ACACA: variants seen among roughly 807,000 people sequenced by gnomAD.
ACACA encodes acetyl-CoA carboxylase alpha.
In ACACA, 103 loss-of-function variants were observed where a neutral mutation model predicts 296.1. That is an observed-to-expected ratio of 0.35 (90% confidence interval 0.30 to 0.41). The LOEUF (loss-of-function observed/expected upper bound fraction) is 0.41. Among genes scored for constraint, ACACA ranks in the 10% least tolerant of loss-of-function variants. The pLI is 1.00. For missense variants in ACACA, 1,554 were observed against 2,989.7 expected (o/e 0.52, Z 11.20); for synonymous variants, 953 against 1,038.6 (o/e 0.92, Z 1.58).
chr17:37,354,722 C>T (rs1417945815), intron 1 of ACACA, among the ~76,000 whole-genome samples: 1 of 151,752 alleles, frequency 6.6e-6, no homozygotes, highest in Admixed American at 6.6e-5. Flanking sequence ...GCCAGGGGTT[C>T]GAGACCAGTC....
intron 1 of ACACA, among the ~76,000 whole-genome samples, chr17:37,342,458 T>TAC (rs1212506277): frequency 8.0e-4 from 79 of 98,284 alleles, no homozygotes; most frequent in African/African-American, 2.1e-3. Context: ...TATATATATA[T>TAC]ACACACACAC....
chr17:37,329,770 T>C (rs2047785500), intron 3 of ACACA, among the ~76,000 whole-genome samples: 1 of 151,690 alleles, frequency 6.6e-6, no homozygotes, highest in East Asian at 1.9e-4. Context: ...TGAAACTCCA[T>C]CTCTACTAAA....
chr17:37,129,457 T>G lies in ACACA; in HGVS notation c.5852A>C (p.Asn1951Thr). The change falls in exon 47 of 56, where the codon AAC becomes ACC. Residue 1951 changes from asparagine (N) to threonine (T), a missense_variant. Transcript: ENST00000616317. ...GATTCTGTCTATAGGATCCTTTGAG[T>G]TCAGAAGAGGAACTGAACTGTGCAC... ...KSVHSSVPLL[N>T]SKDPIDRIIE... The G allele has an allele frequency of 6.2e-7, 1 of 1,613,968 alleles. No individual in the cohort carries two copies. The highest frequency in any genetic ancestry group is 8.5e-7 in the Non-Finnish European group (1 of 1,179,980).
intron 10 of ACACA, among the ~76,000 whole-genome samples, chr17:37,265,061 G>C (rs987842579): frequency 6.6e-6 from 1 of 152,186 alleles, no homozygotes; most frequent in African/African-American, 2.4e-5. Flanking sequence ...CAGCAGGCTA[G>C]ACTAGGCTTC....
Position 37,406,425 on chromosome 17 carries a change from CA to C in ACACA, c.-127del. On this transcript the variant is annotated 5_prime_UTR_variant, in exon 1 of 56. An upstream open reading frame in the 5' UTR loses its in-frame stop. Transcript: ENST00000616317. ...ACGCACCCTCTTCACCCCTTAAAAT[CA>C]GTCTGGTTCATCCACGAGCAGCCCT... 1 of 1,082,670 alleles carries C rather than the reference CA, an allele frequency of 9.2e-7. No individual in the cohort carries two copies. The highest frequency in any genetic ancestry group is 1.4e-6 in the Non-Finnish European group (1 of 705,410). The allele number at this position is 1,082,670 out of a possible 1,614,324, so 67.1% of individuals were successfully genotyped here.
Position 37,141,804 on chromosome 17 carries a change from G to A in ACACA, c.5679+8060C>T, listed in dbSNP as rs148798241. On this transcript the variant is annotated intron_variant, in intron 45 of 55. Coordinates refer to ENST00000616317, the MANE Select transcript of ACACA (RefSeq NM_198834.3). Reference sequence around the variant, plus strand: ...CCTCCCAGGTTCAAGTGATTCTCCTGCCTCAGCCTCCTGAGTAGCTGGGAT... The same window carrying A: ...CCTCCCAGGTTCAAGTGATTCTCCTACCTCAGCCTCCTGAGTAGCTGGGAT... Among the ~76,000 whole-genome samples, 322 of 151,884 alleles carry A rather than the reference G, an allele frequency of 2.1e-3. 1 individual carries two copies. Among genetic ancestry groups the A allele is most frequent in the African/African-American group, 7.5e-3 (309 of 41,414 alleles).
chr17:37,343,440 C>T (rs1195901761), intron 1 of ACACA, among the ~76,000 whole-genome samples: 2 of 152,132 alleles, frequency 1.3e-5, no homozygotes, highest in African/African-American at 4.8e-5. Flanking sequence ...ACAACATGTC[C>T]TTGCCTCTCA....
chr17:37,247,858 T>C (rs2080791179), intron 18 of ACACA, 153 bp downstream of exon 18: 1 of 807,304 alleles, frequency 1.2e-6, no homozygotes, highest in Admixed American at 2.5e-5. Flanking sequence ...ACTTTAATAC[T>C]CTTGATATTT....
chr17:37,300,791 G>A (rs2083582514), intron 3 of ACACA, among the ~76,000 whole-genome samples: 1 of 152,182 alleles, frequency 6.6e-6, no homozygotes, highest in African/African-American at 2.4e-5. Context: ...AGTCCTGGTT[G>A]TTCTCTGGTC....
chr17:37,168,998 C>A (rs145956934), intron 41 of ACACA, among the ~76,000 whole-genome samples: 3 of 152,252 alleles, frequency 2.0e-5, no homozygotes, highest in East Asian at 3.9e-4. Context: ...TTATACAGAA[C>A]CTTTCATCTT....
In ACACA at chr17:37,243,477, C is replaced by T. The variant is rs750139833; in HGVS notation, c.2825G>A (p.Ser942Asn). 1 of 1,614,172 alleles carries T rather than the reference C, an allele frequency of 6.2e-7. No homozygotes were observed. Among genetic ancestry groups the T allele is most frequent in the African/African-American group, 1.3e-5 (1 of 75,052 alleles). ...ATTGGGGGGAATGCGGCCAGACACA[C>T]TGGTCATAATATCTTGCAATTCTAG... ...PLLELQDIMT[S>N]VSGRIPPNVE... The change falls in exon 22 of 56, where the codon AGT becomes AAT. Residue 942 changes from serine (S) to asparagine (N), a missense_variant. Coordinates refer to ENST00000616317, the MANE Select transcript of ACACA (RefSeq NM_198834.3).
At chr17:37,243,689 C>T (rs2080534486) in intron 21 of ACACA, 130 bp from the exon 22 acceptor site, 1 of 919,676 alleles carries the variant, frequency 1.1e-6, no homozygotes, top group Admixed American at 2.0e-5. Flanking sequence ...AAAATCTGCA[C>T]ATACTTGAGC....
intron 41 of ACACA, among the ~76,000 whole-genome samples, chr17:37,169,676 T>C (rs1441878524): frequency 6.6e-6 from 1 of 152,212 alleles, no homozygotes; most frequent in African/African-American, 2.4e-5. Context: ...TGTGACAATG[T>C]GATTAGCAAT....
intron 29 of ACACA, among the ~76,000 whole-genome samples, chr17:37,213,635 A>G (rs2078856595): frequency 6.6e-6 from 1 of 152,134 alleles, no homozygotes; most frequent in Admixed American, 6.6e-5. Flanking sequence ...TAGACTTGGC[A>G]TTTTCTTATC....
chr17:37,323,552 C>A (rs2047452370), intron 3 of ACACA, among the ~76,000 whole-genome samples: 1 of 152,144 alleles, frequency 6.6e-6, no homozygotes, highest in Admixed American at 6.5e-5. Flanking sequence ...ATGATTGCGC[C>A]ACTGAACACT....
intron 11 of ACACA, among the ~76,000 whole-genome samples, chr17:37,260,311 TTTTTTG>T (rs1567900346): frequency 1.1e-4 from 11 of 101,748 alleles, no homozygotes; most frequent in East Asian, 5.8e-4. Flanking sequence ...TTTTTTTTTT[TTTTTTG>T]GAGATGGAGT....
chr17:37,098,085 C>G, intron 52 of ACACA, 101 bp from the exon 53 acceptor site: 9 of 1,448,682 alleles, frequency 6.2e-6, no homozygotes, highest in Non-Finnish European at 8.7e-6. Context: ...AGCCTGCCCC[C>G]TCTTCCCTCT....
rs1212767307 is a variant in ACACA, at chr17:37,085,502, C to A, written c.*1814G>T. The A allele has an allele frequency of 1.0e-5, 4 of 397,872 alleles. No individual in the cohort carries two copies. Among genetic ancestry groups the A allele is most frequent in the Admixed American group, 8.8e-5 (2 of 22,714 alleles). 24.6% of individuals were successfully genotyped at this position (397,872 alleles called of 1,614,324 possible). A position where few individuals can be genotyped will look rare whatever the true frequency, so the allele number is the denominator to read the frequency against. ...TTGCAAAAAAGCATAGAAGAATAAT[C>A]TGGTCAAAAATGAATCCAATTCTTA... On this transcript the variant is annotated 3_prime_UTR_variant, in exon 56 of 56. Coordinates refer to ENST00000616317, the MANE Select transcript of ACACA (RefSeq NM_198834.3).
chr17:37,105,184 T>C (rs2073605655), intron 52 of ACACA, among the ~76,000 whole-genome samples: 1 of 152,218 alleles, frequency 6.6e-6, no homozygotes, highest in South Asian at 2.1e-4. Context: ...CCAAAGGCTC[T>C]AGGCGACCTT....
Sources: gnomAD v4.1 joint callset for allele counts (sites outside exome capture counted in the v4.1 genomes callset) on GRCh38, gnomAD v4.1.1 for gene constraint, MANE v1.5 for transcripts, NCBI Gene and HGNC (gene_info 2026-07-23, HGNC 2026-07-21) for gene names.